The following PEX26 variants were observed in gnomAD, a reference collection of about 807,000 sequenced individuals.
The protein encoded by PEX26 is peroxisomal biogenesis factor 26, also known as peroxisome assembly protein 26.
In PEX26, 18 loss-of-function variants were observed where a neutral mutation model predicts 31.4. The observed-to-expected ratio is 0.57, with a 90% confidence interval of 0.40 to 0.85. The LOEUF is 0.85. Ranked by LOEUF, PEX26 falls within the 40% of genes least tolerant of loss-of-function variation. PEX26 has a pLI of 0.00. For missense variants in PEX26, 377 were observed against 383.9 expected, an observed-to-expected ratio of 0.98 and a Z score of 0.15; for synonymous variants, 176 against 166.9, an observed-to-expected ratio of 1.05 and a Z score of -0.42.
intron 4 of PEX26, among the ~76,000 whole-genome samples, chr22:18,087,766 A>G (rs1424696668): frequency 1.3e-5 from 2 of 152,194 alleles, no homozygotes; most frequent in Non-Finnish European, 2.9e-5. Flanking sequence ...TGAGGATCGC[A>G]TGAGCCCCAG....
rs1395496129 is a variant in PEX26 at position 18,092,180 on chromosome 22, C to T, written c.*4105C>T. 1 of 152,266 alleles carries T rather than the reference C, an allele frequency of 6.6e-6. No individual in the cohort carries two copies. Among genetic ancestry groups the T allele is most frequent in the Non-Finnish European group, 1.5e-5 (1 of 68,064 alleles). The allele number at this position is 152,266 out of a possible 1,614,324, so 9.4% of individuals were successfully genotyped here. A position where few individuals can be genotyped will look rare whatever the true frequency, so the allele number is the denominator to read the frequency against. ...TTGGCCTCACATCCACAGATGGGGC[C>T]TGTGGGAATTCTACTGATTTACTCT... On this transcript the variant is annotated 3_prime_UTR_variant, in exon 5 of 5. Transcript: ENST00000399744.
chr22:18,085,041 G>GCA lies in PEX26; in HGVS notation c.668-68_668-67dup. 6 of 1,565,542 alleles carry GCA rather than the reference G, an allele frequency of 3.8e-6. No individual in the cohort carries two copies. In the South Asian group the frequency reaches 6.7e-5, roughly 17 times the overall value. On this transcript the variant is annotated intron_variant, in intron 3 of 4. Coordinates refer to ENST00000399744, the MANE Select transcript of PEX26 (RefSeq NM_001127649.3). ...TGGCCTGCTCAGGTCTTAGAAGCAA[G>GCA]CACAGAGGTCGGGGTCAGGGAAGCT...
intron 2 of PEX26, among the ~76,000 whole-genome samples, chr22:18,082,570 A>G (rs1926658717): frequency 6.6e-6 from 1 of 152,078 alleles, no homozygotes; most frequent in Non-Finnish European, 1.5e-5. Flanking sequence ...GTCTGTTTTT[A>G]TGCCATAACA....
At chr22:18,078,807 G>A (rs1166857154) in intron 1 of PEX26, 11 of 704,118 alleles carry the variant, frequency 1.6e-5, no homozygotes, top group African/African-American at 1.7e-5. Flanking sequence ...AACTTAGTGG[G>A]GATCCCACAG....
intron 3 of PEX26, among the ~76,000 whole-genome samples, chr22:18,084,797 A>C (rs1475208267): frequency 6.7e-6 from 1 of 149,266 alleles, no homozygotes; most frequent in Admixed American, 6.8e-5. Flanking sequence ...ATCTTGGCTC[A>C]CTGCAGCCTC....
intron 2 of PEX26, 54 bp downstream of exon 2, chr22:18,080,068 TCTC>T: frequency 1.3e-6 from 2 of 1,571,174 alleles, no homozygotes; most frequent in South Asian, 1.1e-5. Context: ...AGGATTTTCA[TCTC>T]CTCTCCTAAA....
At position 18,088,056 on chromosome 22, in the gene PEX26, A is replaced by C; in HGVS notation, c.899A>C (p.Gln300Pro). The C allele has an allele frequency of 1.2e-6, 2 of 1,611,778 alleles. No individual in the cohort carries two copies. Among genetic ancestry groups the C allele is most frequent in the Non-Finnish European group, 1.7e-6 (2 of 1,178,554 alleles). The change falls in exon 5 of 5, where the codon CAG (glutamine) becomes CCG (proline). Residue 300 changes from glutamine to proline, a missense_variant. Coordinates refer to ENST00000399744, the MANE Select transcript of PEX26 (RefSeq NM_001127649.3). The surrounding 1 kb of genome is among the most constrained non-coding windows in gnomAD (Gnocchi z 4.1). ...IRKAAFSRLYQLRIRD is the reference protein window; with the variant it reads ...IRKAAFSRLYPLRIRD Reference sequence around the variant, plus strand: ...AAGGCTGCATTTTCTCGCCTCTACCAGCTCCGCATCCGTGACTGAGGGTCC... The same window carrying C: ...AAGGCTGCATTTTCTCGCCTCTACCCGCTCCGCATCCGTGACTGAGGGTCC...
rs1325155835 is a variant in PEX26, at chr22:18,100,096, A to T, written c.*12021A>T. 1 of 151,954 alleles carries T rather than the reference A, an allele frequency of 6.6e-6. No individual in the cohort carries two copies. The highest frequency in any genetic ancestry group is 1.5e-5 in the Non-Finnish European group (1 of 67,998). The allele number at this position is 151,954 out of a possible 1,614,324, so 9.4% of individuals were successfully genotyped here. On this transcript the variant is annotated 3_prime_UTR_variant, in exon 5 of 5. Coordinates refer to ENST00000399744, the MANE Select transcript of PEX26 (RefSeq NM_001127649.3). ...TCTATTTATTGTTATTATTTTTGAG[A>T]TAGAGTTTCAATCTTGTTGCCCAGG...
chr22:18,079,100 C>T (rs895764094), intron 1 of PEX26: 12 of 485,150 alleles, frequency 2.5e-5, no homozygotes, highest in African/African-American at 2.1e-4. Context: ...TTTGGGAGGC[C>T]GAGGCAGGAG....
rs950999782 is a variant in PEX26 at position 18,097,035 on chromosome 22, C to G, written c.*8960C>G. The G allele has an allele frequency of 1.3e-5, 2 of 152,130 alleles. No individual in the cohort carries two copies. Among genetic ancestry groups the G allele is most frequent in the Non-Finnish European group, 2.9e-5 (2 of 68,040 alleles). 9.4% of individuals were successfully genotyped at this position (152,130 alleles called of 1,614,324 possible). A position where few individuals can be genotyped will look rare whatever the true frequency, so the allele number is the denominator to read the frequency against. ...CAGCAGAGAGAATGAGGGGGGATGC[C>G]ACACTTTAAAACCATCAGAACTCGT... is the stretch of plus-strand genomic sequence containing the variant. On this transcript the variant is annotated 3_prime_UTR_variant, in exon 5 of 5. Coordinates refer to ENST00000399744, the MANE Select transcript of PEX26 (RefSeq NM_001127649.3).
rs1926396744 is a variant in PEX26, at chr22:18,078,483, A to G, written c.107A>G (p.Asp36Gly). ...GTCCCGGCCCGGGCGCCGGCCGTGG[A>G]CCTTCTGGAGGAGGCGGCCGACCTC... ...RAVPARAPAV[D>G]LLEEAADLLV... is the part of the protein sequence containing the mutation. The change falls in exon 1 of 5, where the codon GAC becomes GGC. Residue 36 changes from aspartate (D) to glycine (G), a missense_variant. Physicochemically the swap from Asp to Gly is moderately conservative, Grantham distance 94 (BLOSUM62 -1). Transcript: ENST00000399744. The G allele has an allele frequency of 6.4e-7, 1 of 1,574,386 alleles. No individual in the cohort carries two copies. The highest frequency in any genetic ancestry group is 2.3e-5 in the East Asian group (1 of 43,120).
chr22:18,099,095 AAGT>A lies in PEX26; in HGVS notation c.*11026_*11028del, dbSNP rs1176850069. ...GGAAGGTAGGGGCTGGTGAGTGGAA[AAGT>A]AGTAGAGTTTGTGAGGGAATGTTCT... On this transcript the variant is annotated 3_prime_UTR_variant, in exon 5 of 5. Transcript: ENST00000399744. The A allele has an allele frequency of 1.3e-5, 2 of 152,168 alleles. No individual in the cohort carries two copies. Among genetic ancestry groups the A allele is most frequent in the African/African-American group, 4.8e-5 (2 of 41,444 alleles). 9.4% of individuals were successfully genotyped at this position (152,168 alleles called of 1,614,324 possible).
chr22:18,079,323 T>C (rs1472615728), intron 1 of PEX26: 3 of 669,388 alleles, frequency 4.5e-6, no homozygotes, highest in African/African-American at 3.9e-5. Flanking sequence ...GTAGGTAGAA[T>C]AGCTAAAGTT....
intron 4 of PEX26, among the ~76,000 whole-genome samples, chr22:18,086,055 TG>T (rs1926830644): frequency 6.6e-6 from 1 of 152,108 alleles, no homozygotes; most frequent in Non-Finnish European, 1.5e-5. Context: ...CCCAGCACTA[TG>T]GGAGGCCAAG....
At chr22:18,079,604 C>T (rs1258441100) in intron 1 of PEX26, among the ~76,000 whole-genome samples, 3 of 152,202 alleles carry the variant, frequency 2.0e-5, no homozygotes, top group Non-Finnish European at 4.4e-5. Flanking sequence ...ATTACCCTTC[C>T]TCTTCATTTA....
At chr22:18,081,243 TATACACAC>T (rs1187571395) in intron 2 of PEX26, among the ~76,000 whole-genome samples, 54 of 62,454 alleles carry the variant, frequency 8.6e-4, no homozygotes, top group Middle Eastern at 8.6e-3. Flanking sequence ...TATGTACACA[TATACACAC>T]ACACACACAC....
intron 1 of PEX26, chr22:18,079,070 T>C (rs1926440204): frequency 8.6e-6 from 2 of 231,556 alleles, no homozygotes; most frequent in African/African-American, 2.3e-5. Flanking sequence ...AGCTGGGGCT[T>C]ACGCCTGTAA....
At position 18,078,341 on chromosome 22, in the gene PEX26, A is replaced by G. The variant is rs754201816; in HGVS notation, c.-36A>G. The G allele has an allele frequency of 1.2e-5, 18 of 1,482,392 alleles. No individual in the cohort carries two copies. In the South Asian group the frequency reaches 2.0e-4, roughly 16 times the overall value. 91.8% of individuals were successfully genotyped at this position (1,482,392 alleles called of 1,614,324 possible). On this transcript the variant is annotated 5_prime_UTR_variant, in exon 1 of 5. Transcript: ENST00000399744. ...AGCCTCTGGGGAGGCGGTCACTCCG[A>G]CGTCTGAGGACCTGGGCCTTGGACC...
At chr22:18,085,722 A>T (rs1451799907) in intron 4 of PEX26, among the ~76,000 whole-genome samples, 2 of 152,138 alleles carry the variant, frequency 1.3e-5, no homozygotes, top group Non-Finnish European at 2.9e-5. Flanking sequence ...TACAAAAAAA[A>T]TTAGCCAGGT....
Sources: allele counts gnomAD v4.1 joint callset (sites outside exome capture counted in the v4.1 genomes callset), GRCh38; gene constraint gnomAD v4.1.1; non-coding constraint Gnocchi (gnomAD v3.1); transcripts MANE v1.5; gene names NCBI Gene and HGNC (gene_info 2026-07-23, HGNC 2026-07-21).